The following GAD1 variants were observed in gnomAD, a reference collection of about 807,000 sequenced individuals.
GAD1 encodes glutamate decarboxylase 1.
Under a neutral mutation model 75.2 loss-of-function variants are expected in GAD1, and 35 were observed. The ratio of observed to expected loss-of-function variants is 0.47; its 90% confidence interval spans 0.36 to 0.62. The LOEUF is 0.62. GAD1 is among the 20% of genes least tolerant of loss of function. The probability of loss-of-function intolerance (pLI) is 0.00; values close to 1 mark genes in which losing one functional copy is unlikely to be tolerated. For synonymous variants in GAD1, 257 were observed against 271.9 expected, an observed-to-expected ratio of 0.95 and a Z score of 0.54; for missense variants, 490 against 758.5, an observed-to-expected ratio of 0.65 and a Z score of 4.16.
chr2:170,860,137 T>C lies in GAD1; in HGVS notation c.*255T>C. ...ATACCTCTCTCTATATATACATGTATAGTGAGTGTGGCTTAGTAATAGATC... is the reference window on the plus strand; with the variant it reads ...ATACCTCTCTCTATATATACATGTACAGTGAGTGTGGCTTAGTAATAGATC... On this transcript the variant is annotated 3_prime_UTR_variant, in exon 17 of 17. Coordinates refer to ENST00000358196, the MANE Select transcript of GAD1 (RefSeq NM_000817.3). 2.2e-6 allele frequency: 1 copy of C among 446,366 alleles called. No homozygotes were observed. Among genetic ancestry groups the C allele is most frequent in the Non-Finnish European group, 4.1e-6 (1 of 244,132 alleles). The allele number at this position is 446,366 out of a possible 1,614,324, so 27.7% of individuals were successfully genotyped here.
At chr2:170,854,397 C>CT (rs71399565) in intron 14 of GAD1, among the ~76,000 whole-genome samples, 5,775 of 112,798 alleles carry the variant, frequency 0.051, 293 homozygotes, top group Non-Finnish European at 0.068. Flanking sequence ...ACCTTGAATT[C>CT]TTTTTTTTTT....
intron 6 of GAD1, among the ~76,000 whole-genome samples, chr2:170,841,429 G>A (rs906671068): frequency 6.6e-6 from 1 of 152,206 alleles, no homozygotes; most frequent in Non-Finnish European, 1.5e-5. Flanking sequence ...ACTGGGCATG[G>A]TGGCTCACAA....
At chr2:170,814,136 AGGTTT>A (rs1300291719), upstream of GAD1, among the ~76,000 whole-genome samples, 1 of 152,200 alleles carries the variant, frequency 6.6e-6, no homozygotes, top group African/African-American at 2.4e-5. Flanking sequence ...ACAAAAATAT[AGGTTT>A]CAAATGTTGT....
chr2:170,818,782 G>C lies in GAD1; in HGVS notation c.82+109G>C, dbSNP rs1701782161. 10 of 1,073,108 alleles carry C rather than the reference G, an allele frequency of 9.3e-6. No homozygotes were observed. In the South Asian group the frequency reaches 1.1e-4, roughly 12 times the overall value. 66.5% of individuals were successfully genotyped at this position (1,073,108 alleles called of 1,614,324 possible). A position where few individuals can be genotyped will look rare whatever the true frequency, so the allele number is the denominator to read the frequency against. Reference sequence around the variant, plus strand: ...GGGAAGGGGGAGCGCGGAGATAATGGAGGCTGGGAAATAAATGGGGCTCTG... The same window carrying C: ...GGGAAGGGGGAGCGCGGAGATAATGCAGGCTGGGAAATAAATGGGGCTCTG... On this transcript the variant is annotated intron_variant, in intron 2 of 16. Transcript: ENST00000358196. The surrounding 1 kb of genome is among the most constrained non-coding windows in gnomAD (Gnocchi z 5.9).
rs144358084 is a variant in GAD1 at position 170,845,089 on chromosome 2, G to A, written c.752-417G>A. Among the ~76,000 whole-genome samples the A allele has an allele frequency of 1.0e-3, 153 of 152,286 alleles. 1 individual carries two copies. Among genetic ancestry groups the A allele is most frequent in the Admixed American group, 3.6e-3 (55 of 15,302 alleles). On this transcript the variant is annotated intron_variant, in intron 7 of 16. Coordinates refer to ENST00000358196, the MANE Select transcript of GAD1 (RefSeq NM_000817.3). The stretch of plus-strand genomic sequence containing the variant: ...GTCATTGTTTCTTTCTGTAAGCTCC[G>A]TTACTCTTTCTTTCTCTGTCTTTCT...
Position 170,847,757 on chromosome 2 carries a change from A to C in GAD1, c.1084A>C (p.Ile362Leu). 6.2e-7 allele frequency: 1 copy of C among 1,614,018 alleles called. No homozygotes were observed. The highest frequency in any genetic ancestry group is 8.5e-7 in the Non-Finnish European group (1 of 1,179,854). The part of the protein sequence containing the change: ...AFDPIQEIAD[I>L]CEKYNLWLHV... Reference sequence around the variant, plus strand: ...TGATCCGATACAAGAGATTGCAGATATATGTGAGAAATATAACCTTTGGTT... The same window carrying C: ...TGATCCGATACAAGAGATTGCAGATCTATGTGAGAAATATAACCTTTGGTT... The change falls in exon 11 of 17, where the codon ATA becomes CTA. Residue 362 changes from isoleucine (I) to leucine (L), a missense_variant. By Grantham distance (5) the Ile-to-Leu change is conservative. Transcript: ENST00000358196.
rs1049734 is a variant in GAD1, at chr2:170,853,911, C to T, written c.1302C>T (p.Tyr434=). ...GATGCAACCAGATGTGTGCAGGATA[C>T]CTCTTCCAGCCAGACAAGCAGTATG... ...LQGCNQMCAG[Y]LFQPDKQYDV... Residue 434 remains tyrosine, a synonymous_variant, in exon 14 of 17, where the codon TAC becomes TAT. Coordinates refer to ENST00000358196, the MANE Select transcript of GAD1 (RefSeq NM_000817.3). This position sits in a 1 kb window ranked among gnomAD's most constrained non-coding sequence, Gnocchi z 4.1. The T allele has an allele frequency of 4.3e-6, 7 of 1,614,126 alleles. No homozygotes were observed. The highest frequency in any genetic ancestry group is 1.7e-4 in the Middle Eastern group (1 of 6,060).
chr2:170,859,932 C>CT lies in GAD1; in HGVS notation c.*51dup, dbSNP rs1283475548. ...ATGGGAATGCCTTTTCCCTCTGGCA[C>CT]TCCAGAACAAACCTCTATATGTTGC... On this transcript the variant is annotated 3_prime_UTR_variant, in exon 17 of 17. Transcript: ENST00000358196. The CT allele has an allele frequency of 1.9e-6, 3 of 1,552,770 alleles. No homozygotes were observed.
chr2:170,834,991 C>T (rs1466351786), intron 5 of GAD1, among the ~76,000 whole-genome samples: 2 of 151,972 alleles, frequency 1.3e-5, no homozygotes, highest in East Asian at 1.9e-4. Context: ...AGGCTGGTCT[C>T]GAACTCCTGA....
In GAD1 at chr2:170,820,044, G is replaced by A. The variant is rs560644861; in HGVS notation, c.82+1371G>A. ...CCTGGTAGCATATGAACCAGGCACC[G>A]GCGTTGGAGCTGGCCAGGGCAGGGC... On this transcript the variant is annotated intron_variant, in intron 2 of 16. Transcript: ENST00000358196. Among the ~76,000 whole-genome samples, 8 of 152,350 alleles carry A rather than the reference G, an allele frequency of 5.3e-5. No homozygotes were observed. In the South Asian group the frequency reaches 1.5e-3, roughly 28 times the overall value.
At chr2:170,858,730 T>C (rs1702902204) in intron 15 of GAD1, 74 bp from the exon 16 acceptor site, 1 of 1,285,250 alleles carries the variant, frequency 7.8e-7, no homozygotes, top group South Asian at 1.2e-5. Context: ...CCACCAAGGA[T>C]GCATATTGGT....
rs914667678 is a variant in GAD1, at chr2:170,831,124, A to G, written c.479A>G (p.Asp160Gly). The G allele has an allele frequency of 6.2e-7, 1 of 1,614,158 alleles. No homozygotes were observed. The highest frequency in any genetic ancestry group is 8.5e-7 in the Non-Finnish European group (1 of 1,180,022). Residue 160 changes from aspartate to glycine, a missense_variant, in exon 5 of 17, where the codon GAC (aspartate) becomes GGC (glycine). Around this residue, in one of 3 missense-constraint regions of GAD1, gnomAD observed 165 missense variants for 216.4 expected, o/e 0.76. Coordinates refer to ENST00000358196, the MANE Select transcript of GAD1 (RefSeq NM_000817.3). ...GMEGFNLELS[D>G]HPESLEQILV... Reference sequence around the variant, plus strand: ...GAGGGCTTCAACTTGGAGCTCTCTGACCACCCCGAGTCCCTGGAGCAGATC... The same window carrying G: ...GAGGGCTTCAACTTGGAGCTCTCTGGCCACCCCGAGTCCCTGGAGCAGATC...
intron 4 of GAD1, chr2:170,829,847 G>A: frequency 1.8e-6 from 1 of 563,238 alleles, no homozygotes; most frequent in Non-Finnish European, 3.2e-6. Flanking sequence ...GATGAAGGCA[G>A]TCAATAAAAG....
chr2:170,845,636 C>T lies in GAD1; in HGVS notation c.867+15C>T, dbSNP rs919438057. ...CCTCAGAACAGGTGAGTCGGGGATG[C>T]TTTCTCATGGATAGTGGTGTTTTTT... On this transcript the variant is annotated intron_variant, in intron 8 of 16. Coordinates refer to ENST00000358196, the MANE Select transcript of GAD1 (RefSeq NM_000817.3). 6 of 1,612,944 alleles carry T rather than the reference C, an allele frequency of 3.7e-6. No homozygotes were observed. Among genetic ancestry groups the T allele is most frequent in the Non-Finnish European group, 5.1e-6 (6 of 1,178,980 alleles).
Position 170,857,080 on chromosome 2 carries a change from C to T in GAD1, c.1476C>T (p.Ala492=). The change falls in exon 15 of 17, where the codon GCC becomes GCT. Residue 492 remains alanine, a synonymous_variant. Coordinates refer to ENST00000358196, the MANE Select transcript of GAD1 (RefSeq NM_000817.3). The part of the protein sequence containing the change: ...KCLELAEYLY[A]KIKNREEFEM... ...TGGAACTGGCTGAATACCTCTATGCCAAGATTAAAAACAGAGAAGAATTTG... is the reference window on the plus strand; with the variant it reads ...TGGAACTGGCTGAATACCTCTATGCTAAGATTAAAAACAGAGAAGAATTTG... The T allele has an allele frequency of 6.2e-7, 1 of 1,613,818 alleles. No individual in the cohort carries two copies. Among genetic ancestry groups the T allele is most frequent in the Non-Finnish European group, 8.5e-7 (1 of 1,179,922 alleles).
chr2:170,858,273 T>C (rs1238215398), intron 15 of GAD1, among the ~76,000 whole-genome samples: 2 of 152,176 alleles, frequency 1.3e-5, no homozygotes, highest in African/African-American at 4.8e-5. Flanking sequence ...ACTAAACAGT[T>C]TGAGGCATCT....
At chr2:170,821,158 T>C (rs1701867409) in intron 2 of GAD1, among the ~76,000 whole-genome samples, 1 of 151,660 alleles carries the variant, frequency 6.6e-6, no homozygotes, top group East Asian at 1.9e-4. Context: ...CTTGGAGAGG[T>C]TTGCTTTGAG....
chr2:170,858,931 A>G (rs768018848), intron 16 of GAD1, 38 bp downstream of exon 16: 11 of 1,548,514 alleles, frequency 7.1e-6, no homozygotes, highest in Non-Finnish European at 8.9e-6. Context: ...ATCCTCTGCA[A>G]TTTCTCTGGC....
At chr2:170,858,587 C>T (rs1262024666) in intron 15 of GAD1, among the ~76,000 whole-genome samples, 1 of 152,056 alleles carries the variant, frequency 6.6e-6, no homozygotes, top group African/African-American at 2.4e-5. Flanking sequence ...CTTTAGTTAC[C>T]TAGAAAATTG....
Sources: gnomAD v4.1 joint callset for allele counts (sites outside exome capture counted in the v4.1 genomes callset) on GRCh38, gnomAD v4.1.1 for gene constraint, gnomAD v4.1.1 regional missense constraint, Gnocchi (gnomAD v3.1) non-coding constraint, MANE v1.5 for transcripts, NCBI Gene and HGNC (gene_info 2026-07-23, HGNC 2026-07-21) for gene names.